ADAMTSL1: variants seen among roughly 807,000 people sequenced by gnomAD.
ADAMTSL1 encodes ADAMTS-like protein 1.
In ADAMTSL1, 126 loss-of-function variants were observed where a neutral mutation model predicts 201.8. The ratio of observed to expected loss-of-function variants is 0.62; its 90% CI spans 0.54 to 0.72. The LOEUF is 0.72. Among genes scored for constraint, ADAMTSL1 ranks in the 30% least tolerant of loss-of-function variants. ADAMTSL1 has a pLI of 0.00. For missense variants in ADAMTSL1, 2,679 were observed against 2,277.8 expected (o/e 1.18, Z -3.59); for synonymous variants, 1,121 against 903.4 (o/e 1.24, Z -4.32).
At chr9:18,477,252 A>T (rs1317389304) in intron 1 of ADAMTSL1, among the ~76,000 whole-genome samples, 1 of 152,230 alleles carries the variant, frequency 6.6e-6, no homozygotes, top group Admixed American at 6.5e-5. Flanking sequence ...AAGGCATTTA[A>T]TCAAATTTGC....
intron 1 of ADAMTSL1, among the ~76,000 whole-genome samples, chr9:17,916,462 T>A (rs1351900176): frequency 1.3e-5 from 2 of 152,192 alleles, no homozygotes; most frequent in Admixed American, 1.3e-4. Context: ...TTACATTTAG[T>A]TTCTTTCATT....
chr9:18,889,513 G>A lies in ADAMTSL1; in HGVS notation c.4463-55G>A, dbSNP rs113454824. On this transcript the variant is annotated intron_variant, in intron 24 of 28. Coordinates refer to ENST00000380548, the MANE Select transcript of ADAMTSL1 (RefSeq NM_001040272.6). ...CCCTGCCCTGCTCAGAAGGAATTCA[G>A]AGTGTGGGCAATTATGCTATATTCT... 3.1e-5 allele frequency: 49 copies of A among 1,578,024 alleles called. No homozygotes were observed. In the African/African-American group the frequency reaches 5.0e-4, roughly 16 times the overall value.
intron 2 of ADAMTSL1, among the ~76,000 whole-genome samples, chr9:18,505,994 A>G (rs193058462): frequency 1.3e-5 from 2 of 152,314 alleles, no homozygotes; most frequent in East Asian, 1.9e-4. Flanking sequence ...AACATGAAAG[A>G]CCATTTTGGC....
At chr9:18,180,111 G>A (rs1438068028) in intron 2 of ADAMTSL1, among the ~76,000 whole-genome samples, 1 of 152,138 alleles carries the variant, frequency 6.6e-6, no homozygotes, top group Non-Finnish European at 1.5e-5. Flanking sequence ...ACCCATCACT[G>A]TGCTGTATTC....
intron 2 of ADAMTSL1, among the ~76,000 whole-genome samples, chr9:18,404,907 C>A (rs1184171969): frequency 6.6e-6 from 1 of 152,126 alleles, no homozygotes; most frequent in Non-Finnish European, 1.5e-5. Context: ...CCACATGCAC[C>A]CCTCCCCAGC....
At chr9:18,336,099 A>C (rs963932292) in intron 2 of ADAMTSL1, among the ~76,000 whole-genome samples, 4 of 152,288 alleles carry the variant, frequency 2.6e-5, no homozygotes, top group African/African-American at 9.6e-5. Flanking sequence ...AATACTTTAC[A>C]TAAGCCTTAT....
At chr9:17,946,939 C>G (rs921162932) in intron 1 of ADAMTSL1, among the ~76,000 whole-genome samples, 2 of 151,988 alleles carry the variant, frequency 1.3e-5, no homozygotes, top group African/African-American at 4.8e-5. Context: ...TGTACAAAAA[C>G]AGATCAATAC....
chr9:18,895,561 A>G (rs1258528514), intron 26 of ADAMTSL1, among the ~76,000 whole-genome samples: 1 of 152,128 alleles, frequency 6.6e-6, no homozygotes, highest in Non-Finnish European at 1.5e-5. Context: ...CCTCTATGCA[A>G]CTGACGCTCT....
intron 2 of ADAMTSL1, among the ~76,000 whole-genome samples, chr9:18,243,121 G>T (rs1831131556): frequency 2.0e-5 from 3 of 152,038 alleles, no homozygotes; most frequent in South Asian, 4.1e-4. Flanking sequence ...TACGGTACTG[G>T]CATTAAAACA....
intron 1 of ADAMTSL1, among the ~76,000 whole-genome samples, chr9:18,099,353 ATATTTTTTTT>A (rs1383365097): frequency 8.7e-5 from 4 of 45,858 alleles, no homozygotes; most frequent in Non-Finnish European, 1.7e-4. Flanking sequence ...ATATATATAT[ATATTTTTTTT>A]TTTTTTTTTA....
At chr9:18,132,324 T>C (rs72699477) in intron 1 of ADAMTSL1, among the ~76,000 whole-genome samples, 2 of 152,150 alleles carry the variant, frequency 1.3e-5, no homozygotes, top group South Asian at 4.1e-4. Context: ...CCCGTCTACC[T>C]TTTGCGTGTG....
intron 5 of ADAMTSL1, among the ~76,000 whole-genome samples, chr9:18,628,212 G>A (rs1325257892): frequency 1.3e-5 from 2 of 151,976 alleles, no homozygotes; most frequent in Admixed American, 6.6e-5. Flanking sequence ...TTTTCTTGCA[G>A]AAATACATTT....
chr9:18,745,522 A>G (rs187244287), intron 15 of ADAMTSL1, among the ~76,000 whole-genome samples: 1 of 152,242 alleles, frequency 6.6e-6, no homozygotes, highest in Non-Finnish European at 1.5e-5. Context: ...GACGTCAGCT[A>G]TTTCTACAGA....
At chr9:18,218,007 C>G (rs188090719) in intron 2 of ADAMTSL1, among the ~76,000 whole-genome samples, 103 of 152,148 alleles carry the variant, frequency 6.8e-4, no homozygotes, top group African/African-American at 2.4e-3. Flanking sequence ...AGCTATTAAT[C>G]TGTTAATATT....
intron 7 of ADAMTSL1, among the ~76,000 whole-genome samples, chr9:18,656,030 G>A (rs149026915): frequency 2.6e-5 from 4 of 151,940 alleles, no homozygotes; most frequent in Non-Finnish European, 4.4e-5. Context: ...TAGAAAATAC[G>A]TAAATGCTCT....
In ADAMTSL1 at chr9:18,776,992, G is replaced by C. The variant is rs749343520; in HGVS notation, c.2763G>C (p.Ser921=). The change falls in exon 19 of 29, where the codon TCG becomes TCC. Residue 921 remains serine (S), a synonymous_variant. Coordinates refer to ENST00000380548, the MANE Select transcript of ADAMTSL1 (RefSeq NM_001040272.6). ...AGGACGGCCAGCACCTCATCAGCTC[G>C]ACGCACGTCACGGTGGCCCCCTTCG... ...WEKDGQHLIS[S]THVTVAPFGY... is the part of the protein sequence containing the mutation. 6 of 1,601,112 alleles carry C rather than the reference G, an allele frequency of 3.7e-6. No individual in the cohort carries two copies. The East Asian group carries it at 9.0e-5, about 24-fold the overall frequency.
chr9:18,309,338 G>A (rs1479732316), intron 2 of ADAMTSL1, among the ~76,000 whole-genome samples: 1 of 152,028 alleles, frequency 6.6e-6, no homozygotes, highest in Admixed American at 6.5e-5. Flanking sequence ...TGTGGCCAGG[G>A]CAATCAGGCA....
chr9:18,168,562 T>A (rs918026824), intron 2 of ADAMTSL1, among the ~76,000 whole-genome samples: 2 of 151,686 alleles, frequency 1.3e-5, no homozygotes, highest in East Asian at 1.9e-4. Flanking sequence ...TCTTTGCTAT[T>A]GTGAATAATG....
At chr9:18,371,885 T>TGAA (rs1837058470) in intron 2 of ADAMTSL1, among the ~76,000 whole-genome samples, 1 of 152,212 alleles carries the variant, frequency 6.6e-6, no homozygotes, top group African/African-American at 2.4e-5. Context: ...GGCTCTGGGC[T>TGAA]CAGCTCTGAT....
Sources: gnomAD v4.1 joint callset for allele counts (sites outside exome capture counted in the v4.1 genomes callset) on GRCh38, gnomAD v4.1.1 for gene constraint, MANE v1.5 for transcripts, NCBI Gene and HGNC (gene_info 2026-07-23, HGNC 2026-07-21) for gene names.